SLC44A5: variants seen among roughly 807,000 people sequenced by gnomAD.
SLC44A5 encodes solute carrier family 44 member 5.
In SLC44A5, 57 loss-of-function variants were observed where a neutral mutation model predicts 101.8. That is an observed-to-expected ratio of 0.56 (90% CI 0.45 to 0.70). The LOEUF is 0.70. SLC44A5 is among the 30% of genes least tolerant of loss of function. The pLI, the probability that SLC44A5 is intolerant of heterozygous loss-of-function variation, is 0.00. For missense variants in SLC44A5, 737 were observed against 853.1 expected, an observed-to-expected ratio of 0.86 and a Z score of 1.70; for synonymous variants, 281 against 290.9, an observed-to-expected ratio of 0.97 and a Z score of 0.35.
the SLC44A5 span, among the ~76,000 whole-genome samples, chr1:75,708,914 C>T: frequency 6.6e-6 from 1 of 152,072 alleles, no homozygotes; most frequent in Non-Finnish European, 1.5e-5. Flanking sequence ...ATGAATCAAT[C>T]TTATTTTAAA....
intron 4 of SLC44A5, among the ~76,000 whole-genome samples, chr1:75,326,290 T>G (rs1365788096): frequency 6.6e-6 from 1 of 151,464 alleles, no homozygotes; most frequent in Non-Finnish European, 1.5e-5. Flanking sequence ...TTTGGAATAC[T>G]TTGTCCTTTT....
At chr1:75,633,726 T>G in the SLC44A5 span, among the ~76,000 whole-genome samples, 153 of 151,964 alleles carry the variant, frequency 1.0e-3, no homozygotes, top group African/African-American at 3.6e-3. Context: ...TTCTCCTGCC[T>G]AATTGCCCTG....
intron 4 of SLC44A5, among the ~76,000 whole-genome samples, chr1:75,307,034 G>A (rs187363928): frequency 1.3e-5 from 2 of 152,104 alleles, no homozygotes; most frequent in Admixed American, 1.3e-4. Context: ...CACCGCGCCC[G>A]GCCGGTTTCC....
chr1:75,376,536 A>C (rs993319657), intron 3 of SLC44A5, among the ~76,000 whole-genome samples: 1 of 152,228 alleles, frequency 6.6e-6, no homozygotes, highest in Admixed American at 6.5e-5. Flanking sequence ...AACCCCGAGC[A>C]GCCTAACTGG....
chr1:75,599,333 C>T (rs772238837), intron 1 of SLC44A5, among the ~76,000 whole-genome samples: 18 of 152,122 alleles, frequency 1.2e-4, no homozygotes, highest in Non-Finnish European at 2.1e-4. Flanking sequence ...AATGTACAGG[C>T]TGGCTGGCCT....
the SLC44A5 span, among the ~76,000 whole-genome samples, chr1:75,685,298 C>T: frequency 1.3e-5 from 2 of 152,176 alleles, no homozygotes; most frequent in African/African-American, 4.8e-5. Flanking sequence ...ACATTTTCCC[C>T]ATTGTCTTGA....
intron 4 of SLC44A5, 94 bp downstream of exon 4, chr1:75,339,488 A>G (rs1657700898): frequency 2.1e-6 from 2 of 958,122 alleles, no homozygotes; most frequent in African/African-American, 3.3e-5. Flanking sequence ...AGTAGACACA[A>G]TTCTCCACTG....
chr1:75,239,523 C>G (rs1296600022), intron 9 of SLC44A5, among the ~76,000 whole-genome samples: 2 of 151,996 alleles, frequency 1.3e-5, no homozygotes, highest in African/African-American at 4.8e-5. Flanking sequence ...CCTTTCCCGA[C>G]TTTCCTGGCT....
At chr1:75,302,116 T>TTTTTG (rs1557640322) in intron 4 of SLC44A5, among the ~76,000 whole-genome samples, 1 of 136,106 alleles carries the variant, frequency 7.3e-6, no homozygotes, top group African/African-American at 2.8e-5. Flanking sequence ...TTTTTTGTTT[T>TTTTTG]TTTTTTTTTT....
At chr1:75,242,535 G>C (rs1164346186) in intron 8 of SLC44A5, among the ~76,000 whole-genome samples, 1 of 152,022 alleles carries the variant, frequency 6.6e-6, no homozygotes, top group African/African-American at 2.4e-5. Context: ...TTGTTACTAA[G>C]TTGCTATGGG....
the SLC44A5 span, among the ~76,000 whole-genome samples, chr1:75,716,350 A>G: frequency 1.3e-5 from 2 of 152,210 alleles, no homozygotes; most frequent in African/African-American, 4.8e-5. Context: ...CTGTGCCTGT[A>G]GTCCCAGCCA....
intron 2 of SLC44A5, among the ~76,000 whole-genome samples, chr1:75,538,420 T>C (rs571782526): frequency 6.6e-6 from 1 of 152,316 alleles, no homozygotes; most frequent in East Asian, 1.9e-4. Flanking sequence ...TAGATTTAGA[T>C]AGCTTCTTGT....
intron 2 of SLC44A5, among the ~76,000 whole-genome samples, chr1:75,459,580 A>C (rs985095573): frequency 5.3e-5 from 8 of 152,270 alleles, no homozygotes; most frequent in African/African-American, 1.9e-4. Context: ...CCGAGAAGGA[A>C]ATACAGTAGC....
chr1:75,248,118 A>G (rs999609670), intron 7 of SLC44A5, among the ~76,000 whole-genome samples: 1 of 152,124 alleles, frequency 6.6e-6, no homozygotes, highest in Non-Finnish European at 1.5e-5. Context: ...TAAGATGGTA[A>G]TAAGTGGTAA....
the SLC44A5 span, among the ~76,000 whole-genome samples, chr1:75,698,705 G>A: frequency 3.3e-5 from 5 of 152,312 alleles, no homozygotes; most frequent in South Asian, 4.1e-4. Context: ...AAATTACTCC[G>A]AGCTACAGGA....
chr1:75,358,450 T>C (rs1328610614), intron 3 of SLC44A5, among the ~76,000 whole-genome samples: 1 of 152,182 alleles, frequency 6.6e-6, no homozygotes, highest in Non-Finnish European at 1.5e-5. Flanking sequence ...TATCAATGTA[T>C]AACTGGAAAA....
chr1:75,520,683 T>G (rs995071866), intron 2 of SLC44A5, among the ~76,000 whole-genome samples: 4 of 152,148 alleles, frequency 2.6e-5, no homozygotes, highest in Admixed American at 2.6e-4. Flanking sequence ...AATTTTGGTC[T>G]GAAAGACTCG....
the SLC44A5 span, among the ~76,000 whole-genome samples, chr1:75,704,976 T>C: frequency 6.6e-6 from 1 of 152,212 alleles, no homozygotes; most frequent in East Asian, 1.9e-4. Flanking sequence ...GAGATTCTTG[T>C]ATCATGTATC....
In SLC44A5 at chr1:75,608,533, C is replaced by T. The variant is rs546436517; in HGVS notation, c.-70+2507G>A. Among the ~76,000 whole-genome samples, 365 of 152,134 alleles carry T rather than the reference C, an allele frequency of 2.4e-3. 1 individual carries two copies. The highest frequency in any genetic ancestry group is 8.3e-3 in the African/African-American group (343 of 41,544). On this transcript the variant is annotated intron_variant, in intron 1 of 23. Transcript: ENST00000370859. ...ATGTAAGTCAGATCATATTTTTCCT[C>T]TGTTCAAAATCTGAACTGGTGCCAC...
Sources: gnomAD v4.1 joint callset for allele counts (sites outside exome capture counted in the v4.1 genomes callset) on GRCh38, gnomAD v4.1.1 for gene constraint, MANE v1.5 for transcripts, NCBI Gene and HGNC (gene_info 2026-07-23, HGNC 2026-07-21) for gene names.